DCTN2: variants seen among roughly 807,000 people sequenced by gnomAD.
The protein encoded by DCTN2 is dynactin subunit 2, also known as 50 kDa dynein-associated polypeptide.
In DCTN2, 18 loss-of-function variants were observed where a neutral mutation model predicts 55.4. The ratio of observed to expected loss-of-function variants is 0.32; its 90% CI spans 0.22 to 0.48. The LOEUF is 0.48. DCTN2 is among the 20% of genes least tolerant of loss of function. The probability of loss-of-function intolerance (pLI) is 0.99; values close to 1 mark genes in which losing one functional copy is unlikely to be tolerated. For synonymous variants in DCTN2, 168 were observed against 185.2 expected, an observed-to-expected ratio of 0.91 and a Z score of 0.76; for missense variants, 390 against 491.0, an observed-to-expected ratio of 0.79 and a Z score of 1.94.
chr12:57,531,901 C>T (rs559914017), intron 13 of DCTN2, 114 bp downstream of exon 13: 1 of 1,466,500 alleles, frequency 6.8e-7, no homozygotes, highest in African/African-American at 1.4e-5. Flanking sequence ...TCCAGACCAA[C>T]CCCCTGCCAC....
chr12:57,542,762 T>C, intron 2 of DCTN2: 1 of 454,572 alleles, frequency 2.2e-6, no homozygotes, highest in South Asian at 1.6e-5. Context: ...AAGGTTGCAG[T>C]GAGACAAGAT....
At chr12:57,545,935 G>A (rs1881110642) in intron 2 of DCTN2, 93 bp downstream of exon 2, 2 of 1,362,072 alleles carry the variant, frequency 1.5e-6, no homozygotes, top group South Asian at 1.2e-5. Context: ...TGGCATACCC[G>A]CTTATTGCTG....
rs192697202 is a variant in DCTN2 at position 57,538,799 on chromosome 12, T to C, written c.106-2954A>G. ...TGGTGGTGAGGATGTCATGAAGCTT[T>C]GCCATTAACAGCAGCAGTTTAGGAT... On this transcript the variant is annotated intron_variant, in intron 2 of 13. Coordinates refer to ENST00000548249, the MANE Select transcript of DCTN2 (RefSeq NM_001261413.2). Among the ~76,000 whole-genome samples, 15 of 152,284 alleles carry C rather than the reference T, an allele frequency of 9.9e-5. No homozygotes were observed. The East Asian group carries it at 2.9e-3, about 29-fold the overall frequency.
chr12:57,543,235 G>C (rs2140137406), intron 2 of DCTN2: 1 of 357,754 alleles, frequency 2.8e-6, no homozygotes, highest in Admixed American at 3.8e-5. Flanking sequence ...TACAGTCTCA[G>C]CTACTCGGGA....
chr12:57,534,192 C>CTAAGCCACTTCTCTGCCACTT (rs1300667771), intron 6 of DCTN2, 95 bp from the exon 7 acceptor site: 78 of 1,525,460 alleles, frequency 5.1e-5, no homozygotes, highest in Non-Finnish European at 6.5e-5. Flanking sequence ...TAAGAAACAT[C>CTAAGCCACTTCTCTGCCACTT]TAAGCCACTT....
At chr12:57,530,883 T>G in intron 13 of DCTN2, 108 bp from the exon 14 acceptor site, 3 of 989,096 alleles carry the variant, frequency 3.0e-6, no homozygotes, top group Non-Finnish European at 3.2e-6. Flanking sequence ...AAGCACAATT[T>G]GTGGGCCACA....
intron 2 of DCTN2, among the ~76,000 whole-genome samples, chr12:57,537,522 G>A (rs2140127493): frequency 6.6e-6 from 1 of 152,134 alleles, no homozygotes; most frequent in South Asian, 2.1e-4. Flanking sequence ...GGGACATGGT[G>A]GGACATCATT....
chr12:57,531,904 C>T (rs1218044654), intron 13 of DCTN2, 111 bp downstream of exon 13: 21 of 1,483,030 alleles, frequency 1.4e-5, no homozygotes, highest in Non-Finnish European at 1.9e-5. Flanking sequence ...AGACCAACCC[C>T]CTGCCACAAC....
intron 2 of DCTN2, among the ~76,000 whole-genome samples, chr12:57,540,612 GA>G (rs1392886802): frequency 5.3e-5 from 8 of 152,242 alleles, no homozygotes; most frequent in Non-Finnish European, 1.0e-4. Context: ...ATCAGACAGG[GA>G]AAGTGGCCAC....
In DCTN2 at chr12:57,533,222, CAGG is replaced by C. The variant is rs777330105; in HGVS notation, c.735+13_735+15del. ...CAGGATCTAAGGCTCAGATTATGTA[CAGG>C]AGAACACCTGACCTGAGCATCCTGA... On this transcript the variant is annotated intron_variant, in intron 8 of 13. Coordinates refer to ENST00000548249, the MANE Select transcript of DCTN2 (RefSeq NM_001261413.2). 16 of 1,613,242 alleles carry C rather than the reference CAGG, an allele frequency of 9.9e-6. No homozygotes were observed. The African/African-American group carries it at 1.9e-4, about 19-fold the overall frequency.
chr12:57,537,330 T>A (rs1880318417), intron 2 of DCTN2, among the ~76,000 whole-genome samples: 1 of 133,752 alleles, frequency 7.5e-6, no homozygotes. Context: ...TGAGACCCTG[T>A]CTCAAAAAAA....
rs1880027995 is a variant in DCTN2, at chr12:57,534,283, G to T, written c.524+9C>A. 2 of 1,577,248 alleles carry T rather than the reference G, an allele frequency of 1.3e-6. No homozygotes were observed. The highest frequency in any genetic ancestry group is 1.1e-5 in the South Asian group (1 of 87,322). ...CAGCAATGATTTTTCAACAAAGTAG[G>T]GTACCCACTTAGCCAGGGCGCCATC... On this transcript the variant is annotated intron_variant, in intron 6 of 13. Transcript: ENST00000548249.
Position 57,533,937 on chromosome 12 carries a change from C to A in DCTN2, c.669+16G>T. 6.3e-7 allele frequency: 1 copy of A among 1,596,358 alleles called. No homozygotes were observed. Among genetic ancestry groups the A allele is most frequent in the South Asian group, 1.1e-5 (1 of 88,228 alleles). On this transcript the variant is annotated intron_variant, in intron 7 of 13. Transcript: ENST00000548249. ...TCTCCCCTTGGCTTCCCAACCAACACTGTATCCACACTTACTTTGGCAGCT... is the reference window on the plus strand; with the variant it reads ...TCTCCCCTTGGCTTCCCAACCAACAATGTATCCACACTTACTTTGGCAGCT...
intron 2 of DCTN2, chr12:57,543,040 T>C: frequency 4.4e-6 from 2 of 454,902 alleles, no homozygotes; most frequent in South Asian, 3.1e-5. Context: ...CGGAGAATGC[T>C]GTTGTCAGGG....
chr12:57,530,630 G>A lies in DCTN2; in HGVS notation c.*59C>T, dbSNP rs928254379. 8 of 1,395,688 alleles carry A rather than the reference G, an allele frequency of 5.7e-6. No individual in the cohort carries two copies. The highest frequency in any genetic ancestry group is 8.1e-6 in the Non-Finnish European group (8 of 991,004). The allele number at this position is 1,395,688 out of a possible 1,614,324, so 86.5% of individuals were successfully genotyped here. A position where few individuals can be genotyped will look rare whatever the true frequency, so the allele number is the denominator to read the frequency against. The stretch of plus-strand genomic sequence containing the variant: ...ATAGTAAAGGGGAAACCCTATGTAA[G>A]CTGTTAACAGAGTTCACAGGGGTAG... On this transcript the variant is annotated 3_prime_UTR_variant, in exon 14 of 14. Coordinates refer to ENST00000548249, the MANE Select transcript of DCTN2 (RefSeq NM_001261413.2).
At chr12:57,533,628 G>A (rs934943574) in intron 7 of DCTN2, among the ~76,000 whole-genome samples, 9 of 152,142 alleles carry the variant, frequency 5.9e-5, no homozygotes, top group East Asian at 1.9e-4. Context: ...AAAATGAGCC[G>A]GGCGTGGTGG....
chr12:57,541,233 C>A (rs1045739746), intron 2 of DCTN2: 2 of 1,033,998 alleles, frequency 1.9e-6, no homozygotes, highest in East Asian at 5.0e-5. Flanking sequence ...CCAGCAGGCC[C>A]CTCAGTGACC....
rs771990781 is a variant in DCTN2, at chr12:57,532,978, A to G, written c.774+6T>C. ...ATCCAAACACTCCAGTTTCTTCCAA[A>G]CTCACCATGAGACAGGCTCCCTGTA... On this transcript the variant is annotated splice_donor_region_variant and intron_variant, in intron 9 of 13. Coordinates refer to ENST00000548249, the MANE Select transcript of DCTN2 (RefSeq NM_001261413.2). The G allele has an allele frequency of 2.5e-6, 4 of 1,601,568 alleles. No homozygotes were observed. Among genetic ancestry groups the G allele is most frequent in the Non-Finnish European group, 3.4e-6 (4 of 1,174,376 alleles).
At chr12:57,537,816 G>A (rs897252335) in intron 2 of DCTN2, among the ~76,000 whole-genome samples, 19 of 152,006 alleles carry the variant, frequency 1.2e-4, no homozygotes, top group Admixed American at 7.2e-4. Flanking sequence ...GAAATGTTAC[G>A]GCCAGAACAC....
Sources: allele counts gnomAD v4.1 joint callset (sites outside exome capture counted in the v4.1 genomes callset), GRCh38; gene constraint gnomAD v4.1.1; transcripts MANE v1.5; gene names NCBI Gene and HGNC (gene_info 2026-07-23, HGNC 2026-07-21).